Variants in CAPN2 observed in about 807,000 individuals in gnomAD.
CAPN2 encodes calpain 2, also known as calpain-2 catalytic subunit.
A neutral mutation model predicts 102.3 loss-of-function variants in CAPN2; 92 were observed. The observed-to-expected ratio is 0.90, with a 90% CI of 0.76 to 1.07. CAPN2 has a LOEUF of 1.07. CAPN2 is among the 50% of genes least tolerant of loss of function. The pLI, the probability that CAPN2 is intolerant of heterozygous loss-of-function variation, is 0.00. For synonymous variants in CAPN2, 340 were observed against 355.4 expected (o/e 0.96, Z 0.49); for missense variants, 800 against 909.4 (o/e 0.88, Z 1.55).
Position 223,759,825 on chromosome 1 carries a change from G to A in CAPN2, c.1529+344G>A, listed in dbSNP as rs1661143127. ...CTCGTCATTTGAAGAAAGCTGAGCAGTGCTGGTGTAATCCTTGATTTTCCA... is the reference window on the plus strand; with the variant it reads ...CTCGTCATTTGAAGAAAGCTGAGCAATGCTGGTGTAATCCTTGATTTTCCA... On this transcript the variant is annotated intron_variant, in intron 12 of 20. Transcript: ENST00000295006. This position sits in a 1 kb window ranked among gnomAD's most constrained non-coding sequence, Gnocchi z 4.6. Among the ~76,000 whole-genome samples the A allele has an allele frequency of 6.6e-6, 1 of 152,202 alleles. No individual in the cohort carries two copies. Among genetic ancestry groups the A allele is most frequent in the East Asian group, 1.9e-4 (1 of 5,190 alleles).
At chr1:223,710,703 C>T (rs779193130), upstream of CAPN2, among the ~76,000 whole-genome samples, 32 of 152,204 alleles carry the variant, frequency 2.1e-4, no homozygotes, top group Admixed American at 3.9e-4. Flanking sequence ...AACCTCTTAT[C>T]GCAACCCAAA....
intron 2 of CAPN2, among the ~76,000 whole-genome samples, chr1:223,738,894 C>T (rs535360053): frequency 6.6e-6 from 1 of 152,246 alleles, no homozygotes; most frequent in Non-Finnish European, 1.5e-5. Context: ...GCCACGCTCT[C>T]AGAGAAGGAG....
At chr1:223,766,578 A>AC (rs1249376873) in intron 16 of CAPN2, 147 bp downstream of exon 16, 17 of 649,654 alleles carry the variant, frequency 2.6e-5, no homozygotes, top group Admixed American at 1.8e-4. Context: ...AGCAGCGCTG[A>AC]CCTCCCTTAC....
chr1:223,748,846 G>C (rs1660814810), intron 5 of CAPN2, among the ~76,000 whole-genome samples, 193 bp from the exon 6 acceptor site: 1 of 152,226 alleles, frequency 6.6e-6, no homozygotes, highest in African/African-American at 2.4e-5. Flanking sequence ...TATTCTCGGC[G>C]TTCAAGCATT....
In CAPN2 at chr1:223,761,571, C is replaced by G; in HGVS notation, c.1530-10C>G. ...CCTTCCAGTAACACATAATTTCCTT[C>G]TATTTCCAGAGCTGTCGATGATGAA... On this transcript the variant is annotated splice_polypyrimidine_tract_variant and intron_variant, in intron 12 of 20. Coordinates refer to ENST00000295006, the MANE Select transcript of CAPN2 (RefSeq NM_001748.5). 6.2e-7 allele frequency: 1 copy of G among 1,611,534 alleles called. No individual in the cohort carries two copies. The highest frequency in any genetic ancestry group is 1.7e-5 in the Admixed American group (1 of 59,928).
upstream of CAPN2, chr1:223,712,459 G>T: frequency 8.8e-6 from 10 of 1,139,166 alleles, no homozygotes; most frequent in Non-Finnish European, 1.1e-5. Flanking sequence ...AGCCCAGCAG[G>T]CCGGGAGCGG....
At chr1:223,708,411 T>G, upstream of CAPN2, among the ~76,000 whole-genome samples, 1 of 138,736 alleles carries the variant, frequency 7.2e-6, no homozygotes, top group Admixed American at 7.4e-5. Context: ...GCAACAAGAG[T>G]GAAACTCTGT....
intron 19 of CAPN2, 107 bp downstream of exon 19, chr1:223,772,032 T>C (rs905610586): frequency 2.7e-6 from 3 of 1,130,394 alleles, no homozygotes; most frequent in Admixed American, 3.5e-5. Context: ...CTTCCAGGAG[T>C]TGAGAATGAA....
intron 2 of CAPN2, among the ~76,000 whole-genome samples, chr1:223,724,628 C>T (rs1399532517): frequency 6.6e-6 from 1 of 152,232 alleles, no homozygotes; most frequent in Non-Finnish European, 1.5e-5. Context: ...TCAGCCTTTA[C>T]TCTCCAAAGC....
chr1:223,737,710 G>A (rs368741837), intron 2 of CAPN2, among the ~76,000 whole-genome samples: 4 of 31,978 alleles, frequency 1.3e-4, no homozygotes, highest in Non-Finnish European at 2.9e-4. Flanking sequence ...GACGGGGCGG[G>A]GGGTGGGGGG....
At chr1:223,732,477 A>G (rs1660361272) in intron 2 of CAPN2, among the ~76,000 whole-genome samples, 1 of 152,152 alleles carries the variant, frequency 6.6e-6, no homozygotes. Context: ...TTGCCATGGC[A>G]TCTGTAAACT....
intron 6 of CAPN2, among the ~76,000 whole-genome samples, chr1:223,750,568 C>T (rs530683149): frequency 1.3e-5 from 2 of 152,364 alleles, no homozygotes; most frequent in South Asian, 2.1e-4. Context: ...GGTAAAGCTT[C>T]TCTGAGCTCC....
rs761658788 is a variant in CAPN2, at chr1:223,755,593, C to T, written c.1249C>T (p.Arg417Trp). The change falls in exon 10 of 21, where the codon CGG becomes TGG. Residue 417 changes from arginine (R) to tryptophan (W), a missense_variant. Transcript: ENST00000295006. This position sits in a 1 kb window ranked among gnomAD's most constrained non-coding sequence, Gnocchi z 4.1. ...GGTGGGGCTCATTCAGAAGCACCGA[C>T]GGCGGCAGAGGAAGATGGGCGAGGA... ...FLVGLIQKHR[R>W]RQRKMGEDMH... is the part of the protein sequence containing the mutation. 38 of 1,612,934 alleles carry T rather than the reference C, an allele frequency of 2.4e-5. No homozygotes were observed. The highest frequency in any genetic ancestry group is 3.0e-5 in the Non-Finnish European group (35 of 1,179,534).
intron 1 of CAPN2, among the ~76,000 whole-genome samples, chr1:223,713,943 T>C (rs989534876): frequency 6.6e-6 from 1 of 152,210 alleles, no homozygotes; most frequent in African/African-American, 2.4e-5. Context: ...ATATTTTCTC[T>C]CTTTTGTGGC....
At chr1:223,761,511 T>C (rs1378699963) in intron 12 of CAPN2, 70 bp from the exon 13 acceptor site, 3 of 1,334,292 alleles carry the variant, frequency 2.2e-6, no homozygotes, top group Non-Finnish European at 3.2e-6. Context: ...CACTTCCATT[T>C]TAGCAGTGAT....
At chr1:223,735,158 A>G (rs1660420395) in intron 2 of CAPN2, among the ~76,000 whole-genome samples, 1 of 152,164 alleles carries the variant, frequency 6.6e-6, no homozygotes, top group African/African-American at 2.4e-5. Flanking sequence ...TTCACAGCTG[A>G]GAACACACCA....
chr1:223,750,211 TC>T (rs1434749592), intron 6 of CAPN2, among the ~76,000 whole-genome samples: 2 of 152,158 alleles, frequency 1.3e-5, no homozygotes, highest in Non-Finnish European at 2.9e-5. Flanking sequence ...CAATTGCCAC[TC>T]CCCTAGATTC....
intron 2 of CAPN2, among the ~76,000 whole-genome samples, chr1:223,720,095 G>A (rs550065528): frequency 1.5e-4 from 23 of 152,220 alleles, no homozygotes; most frequent in East Asian, 5.8e-4. Flanking sequence ...TTGGTAGTCC[G>A]AAGACTGGGC....
intron 2 of CAPN2, among the ~76,000 whole-genome samples, chr1:223,737,714 T>G (rs1222143): frequency 0.56 from 9,159 of 16,240 alleles, 1,684 homozygotes; most frequent in Middle Eastern, 0.67. Flanking sequence ...GGGCGGGGGG[T>G]GGGGGGGAGA....
Sources: allele counts gnomAD v4.1 joint callset (sites outside exome capture counted in the v4.1 genomes callset), GRCh38; gene constraint gnomAD v4.1.1; non-coding constraint Gnocchi (gnomAD v3.1); transcripts MANE v1.5; gene names NCBI Gene and HGNC (gene_info 2026-07-23, HGNC 2026-07-21).